The following PNPLA2 variants were observed in gnomAD, a reference collection of about 807,000 sequenced individuals.
The protein encoded by PNPLA2 is patatin-like phospholipase domain-containing protein 2.
Under a neutral mutation model 39.7 loss-of-function variants are expected in PNPLA2, and 28 were observed. The observed-to-expected ratio is 0.70, with a 90% CI of 0.52 to 0.97. The LOEUF (loss-of-function observed/expected upper bound fraction) is 0.97, where lower values mean the gene tolerates loss of function less well. PNPLA2 is among the 50% of genes least tolerant of loss of function. The pLI, the probability that PNPLA2 is intolerant of heterozygous loss-of-function variation, is 0.00. For synonymous variants in PNPLA2, 392 were observed against 321.1 expected, an observed-to-expected ratio of 1.22 and a Z score of -2.36; for missense variants, 768 against 698.2, an observed-to-expected ratio of 1.10 and a Z score of -1.13.
rs542395660 is a variant in PNPLA2, at chr11:819,561, G to A, written c.-145-13G>A. 1.4e-5 allele frequency: 18 copies of A among 1,290,470 alleles called. No homozygotes were observed. The highest frequency in any genetic ancestry group is 2.9e-4 in the Middle Eastern group (1 of 3,438). The allele number at this position is 1,290,470 out of a possible 1,614,324, so 79.9% of individuals were successfully genotyped here. Reference sequence around the variant, plus strand: ...CCACACTTAAAAGCGCCGCCTCCGCGCCGCCCGCGTAGCTTCTTCGCCTCC... The same window carrying A: ...CCACACTTAAAAGCGCCGCCTCCGCACCGCCCGCGTAGCTTCTTCGCCTCC... On this transcript the variant is annotated splice_polypyrimidine_tract_variant and intron_variant, in intron 1 of 9. Coordinates refer to ENST00000336615, the MANE Select transcript of PNPLA2 (RefSeq NM_020376.4).
chr11:824,983 C>A lies in PNPLA2; in HGVS notation c.*121C>A. On this transcript the variant is annotated 3_prime_UTR_variant, in exon 10 of 10. Coordinates refer to ENST00000336615, the MANE Select transcript of PNPLA2 (RefSeq NM_020376.4). Reference sequence around the variant, plus strand: ...CGTGGGCCCCCTCGCCAGCCACTCACCAGCTGCATGCACTGAGAGGGGAGG... The same window carrying A: ...CGTGGGCCCCCTCGCCAGCCACTCAACAGCTGCATGCACTGAGAGGGGAGG... 1.3e-6 allele frequency: 1 copy of A among 764,874 alleles called. No individual in the cohort carries two copies. Among genetic ancestry groups the A allele is most frequent in the South Asian group, 1.5e-5 (1 of 68,196 alleles). The allele number at this position is 764,874 out of a possible 1,614,324, so 47.4% of individuals were successfully genotyped here. A position where few individuals can be genotyped will look rare whatever the true frequency, so the allele number is the denominator to read the frequency against.
At position 825,062 on chromosome 11, in the gene PNPLA2, T is replaced by G; in HGVS notation, c.*200T>G. 2.3e-5 allele frequency: 14 copies of G among 608,674 alleles called. No homozygotes were observed. Among genetic ancestry groups the G allele is most frequent in the East Asian group, 5.8e-5 (2 of 34,368 alleles). The allele number at this position is 608,674 out of a possible 1,614,324, so 37.7% of individuals were successfully genotyped here. On this transcript the variant is annotated 3_prime_UTR_variant, in exon 10 of 10. Transcript: ENST00000336615. ...GGCCCCGCGCACCTGTGCCTTAATCTTCCCTCCCCTGTGCTGCCCGAGCAC... is the reference window on the plus strand; with the variant it reads ...GGCCCCGCGCACCTGTGCCTTAATCGTCCCTCCCCTGTGCTGCCCGAGCAC...
At chr11:820,897 C>T (rs1369947943) in intron 2 of PNPLA2, 3 of 152,738 alleles carry the variant, frequency 2.0e-5, no homozygotes, top group African/African-American at 4.8e-5. Flanking sequence ...CCAAGGACAC[C>T]TCTCCCACAG....
intron 1 of PNPLA2, 159 bp from the exon 2 acceptor site, chr11:819,415 C>A (rs1380092927): frequency 1.3e-5 from 13 of 973,010 alleles, no homozygotes; most frequent in Non-Finnish European, 1.6e-5. Context: ...CGGGCGGCAG[C>A]GGAGGGCGGG....
rs145835771 is a variant in PNPLA2, at chr11:823,603, C to T, written c.757+16C>T. On this transcript the variant is annotated intron_variant, in intron 6 of 9. Transcript: ENST00000336615. ...CAGCGGAACGGTGCGCGGACCCGGG[C>T]GGGAGAGGGCGGGGTGGGCTCGGCT... 1,066 of 1,134,754 alleles carry T rather than the reference C, an allele frequency of 9.4e-4. 6 individuals carry two copies. Among genetic ancestry groups the T allele is most frequent in the Middle Eastern group, 4.1e-3 (20 of 4,836 alleles). 70.3% of individuals were successfully genotyped at this position (1,134,754 alleles called of 1,614,324 possible). A position where few individuals can be genotyped will look rare whatever the true frequency, so the allele number is the denominator to read the frequency against.
chr11:824,203 AGGGAAGGT>A (rs1235690377), intron 8 of PNPLA2, 73 bp downstream of exon 8: 26 of 1,550,986 alleles, frequency 1.7e-5, no homozygotes, highest in Non-Finnish European at 2.2e-5. Context: ...GATGGTTACC[AGGGAAGGT>A]GGGGTGGGGT....
In PNPLA2 at chr11:819,712, C is replaced by T; in HGVS notation, c.-7C>T. 3 of 1,480,962 alleles carry T rather than the reference C, an allele frequency of 2.0e-6. No homozygotes were observed. The highest frequency in any genetic ancestry group is 2.7e-6 in the Non-Finnish European group (3 of 1,115,896). The allele number at this position is 1,480,962 out of a possible 1,614,324, so 91.7% of individuals were successfully genotyped here. On this transcript the variant is annotated 5_prime_UTR_variant, in exon 2 of 10. Coordinates refer to ENST00000336615, the MANE Select transcript of PNPLA2 (RefSeq NM_020376.4). Reference sequence around the variant, plus strand: ...ACGGAACCCGGGGCCCGGCGGCCGCCGCCGCGATGTTTCCCCGCGAGAAGA... The same window carrying T: ...ACGGAACCCGGGGCCCGGCGGCCGCTGCCGCGATGTTTCCCCGCGAGAAGA...
At position 819,718 on chromosome 11, in the gene PNPLA2, G is replaced by A. The variant is rs1412683690; in HGVS notation, c.-1G>A. 2 of 1,484,294 alleles carry A rather than the reference G, an allele frequency of 1.3e-6. No individual in the cohort carries two copies. Among genetic ancestry groups the A allele is most frequent in the Non-Finnish European group, 1.8e-6 (2 of 1,117,064 alleles). 91.9% of individuals were successfully genotyped at this position (1,484,294 alleles called of 1,614,324 possible). A position where few individuals can be genotyped will look rare whatever the true frequency, so the allele number is the denominator to read the frequency against. On this transcript the variant is annotated 5_prime_UTR_variant, in exon 2 of 10. Transcript: ENST00000336615. The stretch of plus-strand genomic sequence containing the variant: ...CCCGGGGCCCGGCGGCCGCCGCCGC[G>A]ATGTTTCCCCGCGAGAAGACGTGGA...
At position 819,702 on chromosome 11, in the gene PNPLA2, C is replaced by A; in HGVS notation, c.-17C>A. 3 of 1,478,584 alleles carry A rather than the reference C, an allele frequency of 2.0e-6. No individual in the cohort carries two copies. Among genetic ancestry groups the A allele is most frequent in the Non-Finnish European group, 2.7e-6 (3 of 1,115,628 alleles). 91.6% of individuals were successfully genotyped at this position (1,478,584 alleles called of 1,614,324 possible). On this transcript the variant is annotated 5_prime_UTR_variant, in exon 2 of 10. Coordinates refer to ENST00000336615, the MANE Select transcript of PNPLA2 (RefSeq NM_020376.4). ...CTGGCCGCCCACGGAACCCGGGGCC[C>A]GGCGGCCGCCGCCGCGATGTTTCCC...
In PNPLA2 at chr11:819,559, G is replaced by A. The variant is rs1048922951; in HGVS notation, c.-145-15G>A. ...TCCCACACTTAAAAGCGCCGCCTCCGCGCCGCCCGCGTAGCTTCTTCGCCT... is the reference window on the plus strand; with the variant it reads ...TCCCACACTTAAAAGCGCCGCCTCCACGCCGCCCGCGTAGCTTCTTCGCCT... On this transcript the variant is annotated splice_polypyrimidine_tract_variant and intron_variant, in intron 1 of 9. Transcript: ENST00000336615. 3.9e-6 allele frequency: 5 copies of A among 1,292,046 alleles called. No individual in the cohort carries two copies. Among genetic ancestry groups the A allele is most frequent in the Non-Finnish European group, 4.9e-6 (5 of 1,018,884 alleles). 80.0% of individuals were successfully genotyped at this position (1,292,046 alleles called of 1,614,324 possible).
intron 5 of PNPLA2, among the ~76,000 whole-genome samples, 164 bp from the exon 6 acceptor site, chr11:823,363 C>T (rs1332485841): frequency 2.0e-5 from 3 of 152,172 alleles, no homozygotes; most frequent in Non-Finnish European, 2.9e-5. Flanking sequence ...GGCTTTCTGT[C>T]CAACCTCCCT....
At position 823,737 on chromosome 11, in the gene PNPLA2, C is replaced by T. The variant is rs768467643; in HGVS notation, c.801C>T (p.Ala267=). Residue 267 remains alanine, a synonymous_variant, in exon 7 of 10, where the codon GCC becomes GCT. Transcript: ENST00000336615. ...ACCCCTTGCTGGCGTTGCCCCCCGC[C>T]CGCCCCCACGGCCCAGAGGACAAGG... is the stretch of plus-strand genomic sequence containing the variant. ...RPNPLLALPP[A]RPHGPEDKDQ... The T allele has an allele frequency of 1.2e-6, 2 of 1,606,670 alleles. No homozygotes were observed. The highest frequency in any genetic ancestry group is 2.2e-5 in the South Asian group (2 of 90,308).
rs769139952 is a variant in PNPLA2, at chr11:822,538, A to G, written c.628A>G (p.Thr210Ala). The G allele has an allele frequency of 1.3e-5, 21 of 1,613,958 alleles. No individual in the cohort carries two copies. The Admixed American group carries it at 3.2e-4, about 24-fold the overall frequency. Residue 210 changes from threonine to alanine, a missense_variant, in exon 5 of 10, where the codon ACC becomes GCC. Physicochemically the swap from Thr to Ala is moderately conservative, Grantham distance 58 (BLOSUM62 0). Transcript: ENST00000336615. ...CATCCACGAGCTGCGGGTCACCAACACCAGCATCCAGTTCAACCTGCGCAA... is the reference window on the plus strand; with the variant it reads ...CATCCACGAGCTGCGGGTCACCAACGCCAGCATCCAGTTCAACCTGCGCAA... ...TNIHELRVTN[T>A]SIQFNLRNLY... is the part of the protein sequence containing the mutation.
chr11:821,619 G>T lies in PNPLA2; in HGVS notation c.188-9G>T. On this transcript the variant is annotated splice_polypyrimidine_tract_variant and intron_variant, in intron 2 of 9. Coordinates refer to ENST00000336615, the MANE Select transcript of PNPLA2 (RefSeq NM_020376.4). ...AGCATGGGCCCCTAACCTTGGCCCTGTGCCCCAGGTGAGGCTGGTGCCAAG... is the reference window on the plus strand; with the variant it reads ...AGCATGGGCCCCTAACCTTGGCCCTTTGCCCCAGGTGAGGCTGGTGCCAAG... 1 of 1,607,176 alleles carries T rather than the reference G, an allele frequency of 6.2e-7. No homozygotes were observed. The highest frequency in any genetic ancestry group is 8.5e-7 in the Non-Finnish European group (1 of 1,174,112).
intron 4 of PNPLA2, 107 bp from the exon 5 acceptor site, chr11:822,289 AG>A: frequency 9.8e-7 from 1 of 1,017,170 alleles, no homozygotes; most frequent in Non-Finnish European, 1.5e-6. Context: ...CGCTCAAATG[AG>A]GTAGCCACTG....
Position 819,612 on chromosome 11 carries a change from C to T in PNPLA2, c.-107C>T. The T allele has an allele frequency of 7.8e-7, 1 of 1,289,438 alleles. No individual in the cohort carries two copies. The highest frequency in any genetic ancestry group is 1.0e-6 in the Non-Finnish European group (1 of 1,003,032). The allele number at this position is 1,289,438 out of a possible 1,614,324, so 79.9% of individuals were successfully genotyped here. Reference sequence around the variant, plus strand: ...GCCAGCGGGGACCCCGAGCTAGAGCCGCAGCGGGACCTGCCCGGCCCCCGG... The same window carrying T: ...GCCAGCGGGGACCCCGAGCTAGAGCTGCAGCGGGACCTGCCCGGCCCCCGG... On this transcript the variant is annotated 5_prime_UTR_variant, in exon 2 of 10. Transcript: ENST00000336615.
rs1255475913 is a variant in PNPLA2, at chr11:823,836, GC to G, written c.903del (p.Ala302ProfsTer18). On this transcript the variant is annotated frameshift_variant, in exon 7 of 10. Coordinates refer to ENST00000336615, the MANE Select transcript of PNPLA2 (RefSeq NM_020376.4). LOFTEE classifies it high-confidence loss of function. ...GAGAAGATCACATCCTGGAGCACCTGCCCGCCCGGCTCAATGAGGGTGCGCA... is the reference window on the plus strand; with the variant it reads ...GAGAAGATCACATCCTGGAGCACCTGCCGCCCGGCTCAATGAGGGTGCGCA... ...PGEDHILEHLPARLNEALLEA... is the reference protein window; with the variant it reads ...PGEDHILEHLXARLNEALLEA... The G allele has an allele frequency of 6.9e-6, 11 of 1,591,080 alleles. No homozygotes were observed. The highest frequency in any genetic ancestry group is 9.4e-6 in the Non-Finnish European group (11 of 1,169,692).
At chr11:822,189 C>T (rs574511818) in intron 4 of PNPLA2, 166 bp downstream of exon 4, 4 of 764,802 alleles carry the variant, frequency 5.2e-6, no homozygotes, top group South Asian at 4.6e-5. Context: ...CGCTTCCTGG[C>T]CCCCCATCCC....
In PNPLA2 at chr11:824,454, C is replaced by A. The variant is rs781441450; in HGVS notation, c.1175+18C>A. 4 of 1,550,352 alleles carry A rather than the reference C, an allele frequency of 2.6e-6. No homozygotes were observed. The African/African-American group carries it at 4.1e-5, about 16-fold the overall frequency. ...CCCTCCAGGTGAGCCGCCGACCGCGCGTCCACCCGGGGCCCGCGGTGCTAG... is the reference window on the plus strand; with the variant it reads ...CCCTCCAGGTGAGCCGCCGACCGCGAGTCCACCCGGGGCCCGCGGTGCTAG... On this transcript the variant is annotated intron_variant, in intron 9 of 9. Coordinates refer to ENST00000336615, the MANE Select transcript of PNPLA2 (RefSeq NM_020376.4).
Sources: gnomAD v4.1 joint callset for allele counts (sites outside exome capture counted in the v4.1 genomes callset) on GRCh38, gnomAD v4.1.1 for gene constraint, MANE v1.5 for transcripts, NCBI Gene and HGNC (gene_info 2026-07-23, HGNC 2026-07-21) for gene names.